The following ROBO2 variants were observed in gnomAD, a reference collection of about 807,000 sequenced individuals.
The protein encoded by ROBO2 is roundabout homolog 2.
ROBO2 carries 53 observed loss-of-function variants against 160.8 expected under a neutral mutation model. That is an observed-to-expected ratio of 0.33 (90% confidence interval 0.26 to 0.41). ROBO2 has a LOEUF of 0.41. ROBO2 is among the 10% of genes least tolerant of loss of function. The pLI is 1.00. For missense variants in ROBO2, 1,577 were observed against 1,722.4 expected, an observed-to-expected ratio of 0.92 and a Z score of 1.49; for synonymous variants, 664 against 611.7, an observed-to-expected ratio of 1.09 and a Z score of -1.26.
At chr3:76,653,505 T>C (rs2091347386) in intron 2 of ROBO2, among the ~76,000 whole-genome samples, 1 of 151,972 alleles carries the variant, frequency 6.6e-6, no homozygotes, top group South Asian at 2.1e-4. Flanking sequence ...AAGTAATGAT[T>C]TACTATTTCA....
chr3:77,390,853 AG>A (rs1452977277), intron 2 of ROBO2, among the ~76,000 whole-genome samples: 2 of 152,104 alleles, frequency 1.3e-5, no homozygotes, highest in Non-Finnish European at 2.9e-5. Context: ...TGCCCTGCTG[AG>A]TTCCCAACAT....
intron 2 of ROBO2, among the ~76,000 whole-genome samples, chr3:76,084,593 G>T (rs554157200): frequency 6.6e-6 from 1 of 152,030 alleles, no homozygotes; most frequent in East Asian, 1.9e-4. Flanking sequence ...GTACTGACCC[G>T]AATTTGGCTA....
intron 2 of ROBO2, among the ~76,000 whole-genome samples, chr3:76,607,607 C>T (rs2087760630): frequency 6.6e-6 from 1 of 152,030 alleles, no homozygotes; most frequent in African/African-American, 2.4e-5. Context: ...CTAAAAATTC[C>T]CTCTGATTCA....
chr3:76,511,522 A>T (rs572062273), intron 2 of ROBO2, among the ~76,000 whole-genome samples: 1 of 152,290 alleles, frequency 6.6e-6, no homozygotes, highest in Non-Finnish European at 1.5e-5. Flanking sequence ...CCATGTGACC[A>T]GGATATCTTT....
At chr3:77,334,678 T>C (rs2066305432) in intron 2 of ROBO2, among the ~76,000 whole-genome samples, 1 of 152,138 alleles carries the variant, frequency 6.6e-6, no homozygotes, top group South Asian at 2.1e-4. Context: ...CTTGGGGTAG[T>C]GACAGATACT....
rs993177385 is a variant in ROBO2, at chr3:77,244,382, A to G, written c.388+146042A>G. 2.6e-5 allele frequency among the ~76,000 whole-genome samples: 4 copies of G among 152,324 alleles called. No homozygotes were observed. The East Asian group carries it at 7.7e-4, about 29-fold the overall frequency. On this transcript the variant is annotated intron_variant, in intron 2 of 25. Coordinates refer to ENST00000461745, the Ensembl canonical transcript of ROBO2. ...TAAAAATACAACTGTTGGACTTAGG[A>G]AGGATTTCAGTAGTTTAAGAGACAA...
intron 2 of ROBO2, among the ~76,000 whole-genome samples, chr3:76,059,726 A>G (rs1287545005): frequency 6.6e-6 from 1 of 152,208 alleles, no homozygotes; most frequent in Non-Finnish European, 1.5e-5. Context: ...GTCCTTGCCC[A>G]TGCCTATGTC....
intron 2 of ROBO2, among the ~76,000 whole-genome samples, chr3:77,355,542 G>C (rs1341328202): frequency 6.6e-6 from 1 of 152,134 alleles, no homozygotes; most frequent in African/African-American, 2.4e-5. Context: ...AAGGTGCTGA[G>C]ATGCGGATTC....
In ROBO2 at chr3:76,259,092, G is replaced by A. The variant is rs141151632; in HGVS notation, c.109+321490G>A. 2.0e-5 allele frequency among the ~76,000 whole-genome samples: 3 copies of A among 152,122 alleles called. No individual in the cohort carries two copies. In the East Asian group the frequency reaches 5.8e-4, roughly 29 times the overall value. ...ATAGTTCTTATTTTAGACACAGTTA[G>A]GGTGACCTAATCTCACTATGCTTTG... On this transcript the variant is annotated intron_variant, in intron 2 of 26. Coordinates refer to the ROBO2 transcript ENST00000487694.
chr3:77,416,894 G>T (rs894622654), intron 2 of ROBO2, among the ~76,000 whole-genome samples: 1 of 152,048 alleles, frequency 6.6e-6, no homozygotes, highest in Non-Finnish European at 1.5e-5. Flanking sequence ...TGGGGTAAAA[G>T]TTACATTTTG....
At chr3:75,906,683 G>C (rs1308980079), upstream of ROBO2, 3 of 152,286 alleles carry the variant, frequency 2.0e-5, no homozygotes, top group Admixed American at 6.5e-5. Context: ...TTAGTAGCAC[G>C]GGCAGCTCGC....
At chr3:77,130,853 A>G (rs2075792156) in intron 2 of ROBO2, among the ~76,000 whole-genome samples, 1 of 152,236 alleles carries the variant, frequency 6.6e-6, no homozygotes, top group Non-Finnish European at 1.5e-5. Flanking sequence ...AAATGGAAAC[A>G]TATATGATTT....
intron 2 of ROBO2, among the ~76,000 whole-genome samples, chr3:77,404,669 G>C (rs967747915): frequency 5.3e-5 from 8 of 152,074 alleles, no homozygotes; most frequent in Admixed American, 5.2e-4. Context: ...AATTTAATGG[G>C]GGATAGGGGA....
At chr3:77,278,313 A>C (rs981085345) in intron 2 of ROBO2, among the ~76,000 whole-genome samples, 3 of 152,146 alleles carry the variant, frequency 2.0e-5, no homozygotes. Context: ...TGTATCCTCC[A>C]TTCAATCTCT....
rs1284296242 is a variant in ROBO2, at chr3:75,947,253, G to A, written c.109+9651G>A. Among the ~76,000 whole-genome samples, 25 of 152,160 alleles carry A rather than the reference G, an allele frequency of 1.6e-4. No individual in the cohort carries two copies. The East Asian group carries it at 3.9e-3, about 24-fold the overall frequency. ...AGACGATAGTTAGAATCCAAGTGGA[G>A]ATATCAAGTAGGCACTGACAAGTTG... On this transcript the variant is annotated intron_variant, in intron 2 of 26. Transcript: ENST00000487694.
chr3:75,975,363 A>G (rs2065109306), intron 2 of ROBO2, among the ~76,000 whole-genome samples: 1 of 151,432 alleles, frequency 6.6e-6, no homozygotes, highest in East Asian at 2.0e-4. Context: ...AATGACTAAG[A>G]TATTTGAATA....
intron 9 of ROBO2, among the ~76,000 whole-genome samples, chr3:77,561,877 G>A (rs939724861): frequency 1.3e-5 from 2 of 152,072 alleles, no homozygotes; most frequent in African/African-American, 2.4e-5. Flanking sequence ...GCTGAGGCAG[G>A]CGGGTCACCT....
intron 2 of ROBO2, among the ~76,000 whole-genome samples, chr3:76,764,113 G>T (rs534891223): frequency 4.6e-5 from 7 of 151,682 alleles, no homozygotes; most frequent in Admixed American, 6.6e-5. Flanking sequence ...ACCATTTGAT[G>T]CAAGCTTTGT....
At chr3:76,483,070 T>G (rs2107362193) in intron 2 of ROBO2, among the ~76,000 whole-genome samples, 1 of 152,248 alleles carries the variant, frequency 6.6e-6, no homozygotes, top group Admixed American at 6.6e-5. Flanking sequence ...TAAAGTTACT[T>G]TCATGCTATA....
Sources: gnomAD v4.1 joint callset for allele counts (sites outside exome capture counted in the v4.1 genomes callset) on GRCh38, gnomAD v4.1.1 for gene constraint, MANE v1.5 for transcripts, NCBI Gene and HGNC (gene_info 2026-07-23, HGNC 2026-07-21) for gene names.